ISM1: variants seen among roughly 807,000 people sequenced by gnomAD.
ISM1 encodes isthmin-1.
In ISM1, 25 loss-of-function variants were observed where a neutral mutation model predicts 46.3. The ratio of observed to expected loss-of-function variants is 0.54; its 90% CI spans 0.39 to 0.75. The LOEUF (loss-of-function observed/expected upper bound fraction) is 0.75. ISM1 is among the 30% of genes least tolerant of loss of function. ISM1 has a pLI of 0.00. For missense variants in ISM1, 536 were observed against 625.4 expected (o/e 0.86, Z 1.52); for synonymous variants, 255 against 256.7 (o/e 0.99, Z 0.06).
chr20:13,231,921 C>CT (rs1482846427), intron 1 of ISM1, among the ~76,000 whole-genome samples: 2 of 152,162 alleles, frequency 1.3e-5, no homozygotes, highest in African/African-American at 4.8e-5. Context: ...CTGGACACCA[C>CT]TTATCTATTT....
At chr20:13,281,858 C>A (rs2040242012) in intron 3 of ISM1, among the ~76,000 whole-genome samples, 1 of 152,208 alleles carries the variant, frequency 6.6e-6, no homozygotes, top group Non-Finnish European at 1.5e-5. Context: ...GCTCAGACAC[C>A]TGGCATCAGA....
chr20:13,229,164 T>A (rs2039561626), intron 1 of ISM1, among the ~76,000 whole-genome samples: 1 of 152,112 alleles, frequency 6.6e-6, no homozygotes, highest in South Asian at 2.1e-4. Flanking sequence ...CTGCATTTTT[T>A]AAAGTTTTTT....
chr20:13,258,851 C>T (rs1046901778), intron 1 of ISM1, among the ~76,000 whole-genome samples: 2 of 152,158 alleles, frequency 1.3e-5, no homozygotes, highest in African/African-American at 4.8e-5. Context: ...AAGTCCTGCT[C>T]ACAAGCCGTG....
At chr20:13,273,695 T>C (rs1292479797) in intron 2 of ISM1, among the ~76,000 whole-genome samples, 2 of 152,190 alleles carry the variant, frequency 1.3e-5, no homozygotes, top group Non-Finnish European at 2.9e-5. Context: ...CAGATGTGAA[T>C]GTTATTGGCC....
In ISM1 at chr20:13,286,840, G is replaced by A. The variant is rs16993905; in HGVS notation, c.644-1700G>A. ...CTGCTGGGCCTATGTAATAACAATC[G>A]CCACGACCTGTTATGAACAGAGGGT... On this transcript the variant is annotated intron_variant, in intron 3 of 5. Transcript: ENST00000262487. Among the ~76,000 whole-genome samples, 323 of 152,282 alleles carry A rather than the reference G, an allele frequency of 2.1e-3. 1 individual carries two copies. Among genetic ancestry groups the A allele is most frequent in the African/African-American group, 7.2e-3 (298 of 41,566 alleles).
intron 5 of ISM1, among the ~76,000 whole-genome samples, chr20:13,292,779 T>G (rs1478663913): frequency 3.9e-5 from 6 of 152,166 alleles, no homozygotes; most frequent in Non-Finnish European, 7.3e-5. Flanking sequence ...AATCTGTTCT[T>G]ACTCAGCCTT....
At chr20:13,325,240 T>G in the ISM1 span, among the ~76,000 whole-genome samples, 2 of 152,190 alleles carry the variant, frequency 1.3e-5, no homozygotes, top group African/African-American at 4.8e-5. Flanking sequence ...GAGACTTATC[T>G]TTTGTTCCCA....
At chr20:13,287,663 A>C (rs530765283) in intron 3 of ISM1, among the ~76,000 whole-genome samples, 1 of 152,266 alleles carries the variant, frequency 6.6e-6, no homozygotes, top group East Asian at 1.9e-4. Context: ...GGATCTTTGA[A>C]AGTTGTACTT....
At chr20:13,311,240 AGAT>A in the ISM1 span, among the ~76,000 whole-genome samples, 5,843 of 113,890 alleles carry the variant, frequency 0.051, 161 homozygotes, top group African/African-American at 0.097. Flanking sequence ...ATAGATAGAT[AGAT>A]GATAGATAGA....
intron 5 of ISM1, among the ~76,000 whole-genome samples, 198 bp from the exon 6 acceptor site, chr20:13,298,744 G>A (rs753397350): frequency 6.6e-6 from 1 of 152,100 alleles, no homozygotes; most frequent in Non-Finnish European, 1.5e-5. Context: ...ACGTGAGAAC[G>A]GCCATCCACT....
At chr20:13,254,430 G>A (rs1363679475) in intron 1 of ISM1, among the ~76,000 whole-genome samples, 2 of 151,988 alleles carry the variant, frequency 1.3e-5, no homozygotes, top group African/African-American at 4.8e-5. Flanking sequence ...TTCAGAATCA[G>A]AATTGAATTC....
chr20:13,223,032 G>A (rs1320990399), intron 1 of ISM1, among the ~76,000 whole-genome samples: 2 of 151,976 alleles, frequency 1.3e-5, no homozygotes, highest in Non-Finnish European at 2.9e-5. Flanking sequence ...GCGTGGTGGC[G>A]CACGCCTGTA....
chr20:13,267,086 G>A (rs1322258515), intron 1 of ISM1, among the ~76,000 whole-genome samples: 2 of 152,168 alleles, frequency 1.3e-5, no homozygotes, highest in Non-Finnish European at 1.5e-5. Flanking sequence ...GAATAAAACA[G>A]GGTTTCATTC....
At chr20:13,290,518 G>A (rs962655212) in intron 4 of ISM1, among the ~76,000 whole-genome samples, 4 of 152,044 alleles carry the variant, frequency 2.6e-5, no homozygotes, top group Non-Finnish European at 5.9e-5. Context: ...GCATGGTGGC[G>A]GGCGCCTGTA....
chr20:13,232,275 T>TAAA (rs1363950913), intron 1 of ISM1, among the ~76,000 whole-genome samples: 1 of 152,232 alleles, frequency 6.6e-6, no homozygotes, highest in Non-Finnish European at 1.5e-5. Context: ...TGAATAAATC[T>TAAA]ACCATCTGAA....
At chr20:13,225,284 C>T (rs536228573) in intron 1 of ISM1, among the ~76,000 whole-genome samples, 2 of 152,154 alleles carry the variant, frequency 1.3e-5, no homozygotes, top group South Asian at 2.1e-4. Flanking sequence ...CATTTATTTT[C>T]GTTATTTTAT....
intron 1 of ISM1, among the ~76,000 whole-genome samples, chr20:13,259,212 C>A (rs992279011): frequency 6.7e-6 from 1 of 150,292 alleles, no homozygotes; most frequent in African/African-American, 2.5e-5. Flanking sequence ...ACCCAGGAGG[C>A]GGAGGTTGCA....
chr20:13,292,425 G>C lies in ISM1; in HGVS notation c.839G>C (p.Gly280Ala). The change falls in exon 5 of 6, where the codon GGA (glycine) becomes GCA (alanine). Residue 280 changes from glycine to alanine, a missense_variant. By Grantham distance (60) the Gly-to-Ala change is moderately conservative. Transcript: ENST00000262487. ...TAATEVSLLA[G>A]SEEFNATKLF... is the part of the protein sequence containing the mutation. Reference sequence around the variant, plus strand: ...GCCACCGAAGTGAGTCTGCTTGCGGGAAGCGAGGAGTTTAATGCCACCAAA... The same window carrying C: ...GCCACCGAAGTGAGTCTGCTTGCGGCAAGCGAGGAGTTTAATGCCACCAAA... 6.2e-7 allele frequency: 1 copy of C among 1,606,228 alleles called. No homozygotes were observed. The highest frequency in any genetic ancestry group is 8.5e-7 in the Non-Finnish European group (1 of 1,176,152).
intron 1 of ISM1, among the ~76,000 whole-genome samples, chr20:13,236,908 T>A (rs1305370130): frequency 6.6e-6 from 1 of 152,182 alleles, no homozygotes; most frequent in African/African-American, 2.4e-5. Flanking sequence ...TCCAGCTGCT[T>A]TCAGGGGCTG....
Sources: allele counts gnomAD v4.1 joint callset (sites outside exome capture counted in the v4.1 genomes callset), GRCh38; gene constraint gnomAD v4.1.1; transcripts MANE v1.5; gene names NCBI Gene and HGNC (gene_info 2026-07-23, HGNC 2026-07-21).